ERCC6L: variants seen among roughly 807,000 people sequenced by gnomAD.
ERCC6L encodes the protein DNA excision repair protein ERCC-6-like.
Under a neutral mutation model 20.1 loss-of-function variants are expected in ERCC6L, and 7 were observed. The ratio of observed to expected loss-of-function variants is 0.35; its 90% CI spans 0.20 to 0.65. ERCC6L has a LOEUF of 0.65. Ranked by LOEUF, ERCC6L falls within the 30% of genes least tolerant of loss-of-function variation. The pLI, the probability that ERCC6L is intolerant of heterozygous loss-of-function variation, is 0.69. For missense variants in ERCC6L, 592 were observed against 892.4 expected (o/e 0.66, Z 4.29); for synonymous variants, 278 against 331.3 (o/e 0.84, Z 1.75).
intron 1 of ERCC6L, among the ~76,000 whole-genome samples, chrX:72,216,659 T>C (rs768525638): frequency 3.6e-5 from 4 of 111,971 alleles, no homozygotes; most frequent in African/African-American, 1.3e-4. Context: ...GGTGGAATCA[T>C]ATAGTATTTG....
intron 1 of ERCC6L, among the ~76,000 whole-genome samples, chrX:72,235,555 C>T (rs1339803090): frequency 3.6e-5 from 4 of 110,768 alleles, no homozygotes; most frequent in African/African-American, 1.3e-4. Context: ...ACCACCACGT[C>T]CAGCTTATTT....
In ERCC6L at chrX:72,214,151, G is replaced by C. The variant is rs2042873596; in HGVS notation, c.69-5453C>G. Among the ~76,000 whole-genome samples, 3 of 112,078 alleles carry C rather than the reference G, an allele frequency of 2.7e-5. No individual in the cohort carries two copies. In the Admixed American group the frequency reaches 2.8e-4, roughly 11 times the overall value. On this transcript the variant is annotated intron_variant, in intron 1 of 1. Coordinates refer to ENST00000334463, the MANE Select transcript of ERCC6L (RefSeq NM_017669.4). ...TAAAGCCCAAGTCATGGCAGAGTAG[G>C]CTAGGAGGATTCCTTCCTTTTGGCT...
chrX:72,238,873 C>G lies in ERCC6L; in HGVS notation c.39G>C (p.Leu13Phe). The G allele has an allele frequency of 8.4e-7, 1 of 1,197,101 alleles. No homozygotes were observed. Among genetic ancestry groups the G allele is most frequent in the South Asian group, 1.8e-5 (1 of 54,726 alleles). Reference sequence around the variant, plus strand: ...GGTAATGAGCAGCCTGCTCTGGGCTCAAGGCCTCGGCTTCCGGAAACCTTC... The same window carrying G: ...GGTAATGAGCAGCCTGCTCTGGGCTGAAGGCCTCGGCTTCCGGAAACCTTC... Reference protein sequence around the residue: ...ASRRFPEAEALSPEQAAHYLR... With the variant: ...ASRRFPEAEAFSPEQAAHYLR... Residue 13 changes from leucine (L) to phenylalanine (F), a missense_variant, in exon 1 of 2, where the codon TTG becomes TTC. Around this residue, in one of 3 missense-constraint regions of ERCC6L, gnomAD observed 44 missense variants for 49.8 expected, o/e 0.88. Transcript: ENST00000334463.
At chrX:72,221,902 T>G (rs1488895496) in intron 1 of ERCC6L, among the ~76,000 whole-genome samples, 1 of 109,835 alleles carries the variant, frequency 9.1e-6, no homozygotes, top group Non-Finnish European at 1.9e-5. Context: ...GCGAAAACCC[T>G]TCCTCCAAAA....
Position 72,215,301 on chromosome X carries a change from T to C in ERCC6L, c.69-6603A>G, listed in dbSNP as rs144190536. 6.7e-3 allele frequency among the ~76,000 whole-genome samples: 745 copies of C among 111,968 alleles called. 34 individuals carry two copies. The East Asian group carries it at 0.14, about 22-fold the overall frequency. On this transcript the variant is annotated intron_variant, in intron 1 of 1. Coordinates refer to ENST00000334463, the MANE Select transcript of ERCC6L (RefSeq NM_017669.4). Reference sequence around the variant, plus strand: ...AGTATTCTATATCCTGATAGGGGTTTGGGTTACACACGTGTATGCACTTGT... The same window carrying C: ...AGTATTCTATATCCTGATAGGGGTTCGGGTTACACACGTGTATGCACTTGT...
At chrX:72,228,528 T>C (rs1381217563) in intron 1 of ERCC6L, among the ~76,000 whole-genome samples, 1 of 111,714 alleles carries the variant, frequency 9.0e-6, no homozygotes, top group African/African-American at 3.3e-5. Flanking sequence ...ACCCGAATCT[T>C]GGAAGAAAAG....
chrX:72,220,035 T>C (rs1448119208), intron 1 of ERCC6L, among the ~76,000 whole-genome samples: 1 of 111,184 alleles, frequency 9.0e-6, no homozygotes, highest in Admixed American at 9.6e-5. Context: ...GGAAGTTACC[T>C]TTTATTCCTA....
At chrX:72,211,569 G>A (rs188107899) in intron 1 of ERCC6L, among the ~76,000 whole-genome samples, 69 of 111,488 alleles carry the variant, frequency 6.2e-4, no homozygotes, top group African/African-American at 1.9e-3. Flanking sequence ...TACAATTCAA[G>A]ATGAGATTGA....
chrX:72,223,772 A>G (rs1001688472), intron 1 of ERCC6L, among the ~76,000 whole-genome samples: 2 of 111,450 alleles, frequency 1.8e-5, no homozygotes, highest in Non-Finnish European at 3.8e-5. Flanking sequence ...CAGTTACACA[A>G]AAGCCTCCAG....
At chrX:72,225,292 A>G (rs887296370) in intron 1 of ERCC6L, among the ~76,000 whole-genome samples, 1 of 112,144 alleles carries the variant, frequency 8.9e-6, no homozygotes, top group Non-Finnish European at 1.9e-5. Flanking sequence ...GACAGCCCTC[A>G]CTATTTCGGT....
chrX:72,228,169 C>A (rs890981500), intron 1 of ERCC6L, among the ~76,000 whole-genome samples: 1 of 112,312 alleles, frequency 8.9e-6, no homozygotes, highest in Non-Finnish European at 1.9e-5. Context: ...AGGGTGGAAG[C>A]GTCAGTTTAT....
intron 1 of ERCC6L, among the ~76,000 whole-genome samples, chrX:72,227,426 C>A (rs2042959762): frequency 8.9e-6 from 1 of 111,972 alleles, no homozygotes; most frequent in African/African-American, 3.2e-5. Flanking sequence ...CTCTTAAAGA[C>A]TGGGTTACAC....
chrX:72,231,156 G>C (rs2042981099), intron 1 of ERCC6L, among the ~76,000 whole-genome samples: 1 of 112,064 alleles, frequency 8.9e-6, no homozygotes, highest in South Asian at 3.7e-4. Context: ...TAGTAGCCAA[G>C]AAAAGGAAAC....
intron 1 of ERCC6L, among the ~76,000 whole-genome samples, chrX:72,224,715 A>G (rs750390333): frequency 9.0e-6 from 1 of 111,648 alleles, no homozygotes; most frequent in Non-Finnish European, 1.9e-5. Context: ...ATTGTACTCC[A>G]GCCTGGGCAA....
rs1160779270 is a variant in ERCC6L, at chrX:72,207,741, C to T, written c.1026G>A (p.Glu342=). The T allele has an allele frequency of 2.5e-6, 3 of 1,211,315 alleles. No individual in the cohort carries two copies. In the South Asian group the frequency reaches 5.3e-5, roughly 21 times the overall value. ...CTGGATTCTTTTCATTAAGTCTGGC[C>T]TCTGGGTTGCTTGACTTTTTCTTCT... ...DVQKKKSSNP[E]ARLNEKNPDV... Residue 342 remains glutamate (E), a synonymous_variant, in exon 2 of 2, where the codon GAG becomes GAA. Transcript: ENST00000334463.
intron 1 of ERCC6L, among the ~76,000 whole-genome samples, chrX:72,236,874 G>A (rs1175323091): frequency 8.9e-6 from 1 of 112,090 alleles, no homozygotes; most frequent in African/African-American, 3.2e-5. Flanking sequence ...GTATACACAC[G>A]CACACACATC....
intron 1 of ERCC6L, among the ~76,000 whole-genome samples, chrX:72,210,921 T>TC (rs895823555): frequency 2.7e-5 from 3 of 111,882 alleles, no homozygotes; most frequent in Non-Finnish European, 5.6e-5. Flanking sequence ...GCTCTTCCTT[T>TC]CCCCTCAGTC....
chrX:72,205,082 T>G lies in ERCC6L; in HGVS notation c.3685A>C (p.Ile1229Leu), dbSNP rs1214403206. The G allele has an allele frequency of 1.7e-6, 2 of 1,209,481 alleles. No homozygotes were observed. Among genetic ancestry groups the G allele is most frequent in the African/African-American group, 3.5e-5 (2 of 57,286 alleles). The part of the protein sequence containing the change: ...ALNCLVKALD[I>L]KSADPEVMLL... ...ATAACTTCAGGATCTGCACTTTTTA[T>G]GTCAAGCGCTTTAACTAAGCAGTTT... The change falls in exon 2 of 2, where the codon ATA becomes CTA. Residue 1229 changes from isoleucine (I) to leucine (L), a missense_variant. Around this residue, in one of 3 missense-constraint regions of ERCC6L, gnomAD observed 352 missense variants for 402.6 expected, o/e 0.87. Transcript: ENST00000334463.
intron 1 of ERCC6L, among the ~76,000 whole-genome samples, chrX:72,226,464 C>T (rs903791683): frequency 4.5e-5 from 5 of 112,222 alleles, no homozygotes; most frequent in African/African-American, 1.6e-4. Context: ...AACATATACA[C>T]CGATTCTAAA....
Sources: gnomAD v4.1 joint callset for allele counts (sites outside exome capture counted in the v4.1 genomes callset) on GRCh38, gnomAD v4.1.1 for gene constraint, gnomAD v4.1.1 regional missense constraint, MANE v1.5 for transcripts, NCBI Gene and HGNC (gene_info 2026-07-23, HGNC 2026-07-21) for gene names.